The following RELN variants were observed in gnomAD, a reference collection of about 807,000 sequenced individuals.
RELN encodes reelin.
Under a neutral mutation model 427.6 loss-of-function variants are expected in RELN, and 108 were observed. The ratio of observed to expected loss-of-function variants is 0.25; its 90% CI spans 0.22 to 0.30. RELN has a LOEUF of 0.30. Ranked by LOEUF, RELN falls within the 10% of genes least tolerant of loss-of-function variation. RELN has a pLI of 1.00. For missense variants in RELN, 3,715 were observed against 4,302.8 expected (o/e 0.86, Z 3.82); for synonymous variants, 1,524 against 1,513.4 (o/e 1.01, Z -0.16).
chr7:103,985,215 A>C (rs1000305139), intron 1 of RELN, among the ~76,000 whole-genome samples: 2 of 152,190 alleles, frequency 1.3e-5, no homozygotes, highest in African/African-American at 4.8e-5. Flanking sequence ...TGCCGGACTT[A>C]CAAAATACAG....
intron 11 of RELN, 144 bp downstream of exon 11, chr7:103,681,972 G>A: frequency 1.2e-6 from 1 of 802,888 alleles, no homozygotes; most frequent in Non-Finnish European, 2.2e-6. Context: ...TAGGGTAAGT[G>A]CACCCCTTTT....
intron 1 of RELN, among the ~76,000 whole-genome samples, chr7:103,977,627 T>C (rs1796908457): frequency 6.6e-6 from 1 of 152,174 alleles, no homozygotes; most frequent in Non-Finnish European, 1.5e-5. Context: ...TCATCCCAAT[T>C]GTGAGACCAG....
intron 2 of RELN, among the ~76,000 whole-genome samples, chr7:103,862,414 T>TCTATCTAC (rs1563057113): frequency 4.8e-5 from 3 of 62,732 alleles, no homozygotes; most frequent in Non-Finnish European, 1.3e-4. Context: ...TTTTGTTCTA[T>TCTATCTAC]CTATCTATCT....
At position 103,569,537 on chromosome 7, in the gene RELN, C is replaced by T. The variant is rs1584304626; in HGVS notation, c.4588+2647G>A. 6.6e-6 allele frequency among the ~76,000 whole-genome samples: 1 copy of T among 152,300 alleles called. No homozygotes were observed. Among genetic ancestry groups the T allele is most frequent in the African/African-American group, 2.4e-5 (1 of 41,572 alleles). On this transcript the variant is annotated intron_variant, in intron 31 of 64. Coordinates refer to ENST00000428762, the MANE Select transcript of RELN (RefSeq NM_005045.4). The surrounding 1 kb of genome is among the most constrained non-coding windows in gnomAD (Gnocchi z 4.0). The stretch of plus-strand genomic sequence containing the variant: ...TAAATTTGCATTTTAACAAGGCTCC[C>T]AAATGATTCAGGTGAACATTAAATT...
chr7:103,867,811 GA>G (rs573073345), intron 2 of RELN, among the ~76,000 whole-genome samples: 4 of 151,598 alleles, frequency 2.6e-5, no homozygotes, highest in Admixed American at 1.3e-4. Context: ...TAGTAAGAGA[GA>G]AAAAAAATGA....
chr7:103,672,950 C>T (rs1030921868), intron 11 of RELN, among the ~76,000 whole-genome samples: 1 of 151,990 alleles, frequency 6.6e-6, no homozygotes, highest in African/African-American at 2.4e-5. Flanking sequence ...AATATGCCTC[C>T]TTGCTGCTTC....
At chr7:103,741,415 G>C (rs1790651627) in intron 6 of RELN, among the ~76,000 whole-genome samples, 2 of 151,810 alleles carry the variant, frequency 1.3e-5, no homozygotes, top group South Asian at 4.1e-4. Context: ...TGTTTTTTAT[G>C]AAAATGCAAT....
chr7:103,886,256 T>G lies in RELN; in HGVS notation c.337+30819A>C, dbSNP rs185230201. 1.2e-4 allele frequency among the ~76,000 whole-genome samples: 18 copies of G among 152,304 alleles called. No individual in the cohort carries two copies. In the East Asian group the frequency reaches 3.5e-3, roughly 29 times the overall value. ...TCTTTGGTATACATGAGTTTAACCT[T>G]TGTTAATAGGATAGAGAACTCATTA... On this transcript the variant is annotated intron_variant, in intron 2 of 64. Transcript: ENST00000428762.
intron 2 of RELN, among the ~76,000 whole-genome samples, chr7:103,840,495 C>T (rs1394952851): frequency 1.3e-5 from 2 of 152,202 alleles, no homozygotes; most frequent in African/African-American, 4.8e-5. Context: ...ACTAAGACTC[C>T]TTTCTTTTGG....
chr7:103,473,437 G>A (rs1827924834), intron 64 of RELN, among the ~76,000 whole-genome samples: 1 of 152,146 alleles, frequency 6.6e-6, no homozygotes, highest in African/African-American at 2.4e-5. Flanking sequence ...ACAAAATAAG[G>A]AGGTCAGTTT....
chr7:103,870,807 C>T (rs1563061778), intron 2 of RELN, among the ~76,000 whole-genome samples: 1 of 152,094 alleles, frequency 6.6e-6, no homozygotes, highest in Non-Finnish European at 1.5e-5. Context: ...CAGCTGAGCC[C>T]TGAATCAAGA....
chr7:103,474,986 A>G (rs1827983078), intron 64 of RELN, among the ~76,000 whole-genome samples: 2 of 152,182 alleles, frequency 1.3e-5, no homozygotes, highest in East Asian at 1.9e-4. Flanking sequence ...AACCATGCAG[A>G]ATCCTCTTAT....
chr7:103,728,350 T>A lies in RELN; in HGVS notation c.657-143A>T. The stretch of plus-strand genomic sequence containing the variant: ...AAAGTAGGAGTATTTTGCATCATGA[T>A]AAGGTTAAGAAGACCTGAAACCAGA... On this transcript the variant is annotated intron_variant, in intron 6 of 64. Transcript: ENST00000428762. 3 of 794,930 alleles carry A rather than the reference T, an allele frequency of 3.8e-6. No homozygotes were observed. In the South Asian group the frequency reaches 4.4e-5, roughly 12 times the overall value. The allele number at this position is 794,930 out of a possible 1,614,324, so 49.2% of individuals were successfully genotyped here.
intron 12 of RELN, among the ~76,000 whole-genome samples, chr7:103,658,355 C>T (rs1207215595): frequency 6.6e-6 from 1 of 152,120 alleles, no homozygotes; most frequent in Non-Finnish European, 1.5e-5. Context: ...TCCTAAGGTA[C>T]TGTATTTAGT....
intron 1 of RELN, among the ~76,000 whole-genome samples, chr7:103,982,126 A>G (rs1415119492): frequency 1.3e-5 from 2 of 152,164 alleles, no homozygotes; most frequent in Non-Finnish European, 1.5e-5. Flanking sequence ...AAAAGGTGTC[A>G]CTGCACTCCA....
At chr7:103,688,609 C>T (rs879566582) in intron 10 of RELN, among the ~76,000 whole-genome samples, 11 of 152,010 alleles carry the variant, frequency 7.2e-5, no homozygotes, top group East Asian at 1.9e-4. Context: ...CTAAATTTTT[C>T]GGACAAATTA....
chr7:103,860,097 G>A (rs145865289), intron 2 of RELN, among the ~76,000 whole-genome samples: 12 of 152,256 alleles, frequency 7.9e-5, no homozygotes, highest in African/African-American at 1.7e-4. Context: ...TCAGTCATAC[G>A]TTGTTCATTA....
chr7:103,969,682 T>G (rs10261497), intron 1 of RELN, among the ~76,000 whole-genome samples: 25,081 of 152,200 alleles, frequency 0.16, 2,145 homozygotes, highest in Middle Eastern at 0.29. Context: ...GGAGAAAGGA[T>G]TATGAAAATG....
intron 33 of RELN, 47 bp downstream of exon 33, chr7:103,566,177 C>T (rs570209414): frequency 6.7e-7 from 1 of 1,487,494 alleles, no homozygotes; most frequent in South Asian, 1.1e-5. Context: ...TTAATTTAGT[C>T]CTCTAGTTAA....
Sources: allele counts gnomAD v4.1 joint callset (sites outside exome capture counted in the v4.1 genomes callset), GRCh38; gene constraint gnomAD v4.1.1; non-coding constraint Gnocchi (gnomAD v3.1); transcripts MANE v1.5; gene names NCBI Gene and HGNC (gene_info 2026-07-23, HGNC 2026-07-21).